The following ZNF408 variants were observed in gnomAD, a reference collection of about 807,000 sequenced individuals.
ZNF408 encodes the protein PR domain zinc finger protein 17.
Under a neutral mutation model 27.6 loss-of-function variants are expected in ZNF408, and 24 were observed. The ratio of observed to expected loss-of-function variants is 0.87; its 90% CI spans 0.63 to 1.22. The LOEUF (loss-of-function observed/expected upper bound fraction) is 1.22. Ranked by LOEUF, ZNF408 falls within the 50% of genes most tolerant of loss-of-function variation. The pLI, the probability that ZNF408 is intolerant of heterozygous loss-of-function variation, is 0.00. For missense variants in ZNF408, 897 were observed against 949.0 expected, an observed-to-expected ratio of 0.95 and a Z score of 0.72; for synonymous variants, 410 against 396.1, an observed-to-expected ratio of 1.04 and a Z score of -0.42.
At chr11:46,701,934 G>A (rs895482763) in intron 2 of ZNF408, 1 of 364,336 alleles carries the variant, frequency 2.7e-6, no homozygotes, top group South Asian at 9.7e-5. Context: ...AATTAAGAAA[G>A]CATGGGATCA....
rs1277850118 is a variant in ZNF408 at position 46,704,637 on chromosome 11, A to T, written c.937A>T (p.Ser313Cys). Residue 313 changes from serine to cysteine, a missense_variant, in exon 5 of 5, where the codon AGT becomes TGT. By Grantham distance (112) the Ser-to-Cys change is moderately radical (BLOSUM62 -1). Coordinates refer to ENST00000311764, the MANE Select transcript of ZNF408 (RefSeq NM_024741.3). ...CCTGGCCAAGAAGTTACACAGCCCC[A>T]GTGATCAGTGCCCACCCAGAGCAAA... is the stretch of plus-strand genomic sequence containing the variant. The part of the protein sequence containing the change: ...GYLAKKLHSP[S>C]DQCPPRAKTP... 1.9e-6 allele frequency: 3 copies of T among 1,613,904 alleles called. No individual in the cohort carries two copies. The highest frequency in any genetic ancestry group is 2.5e-6 in the Non-Finnish European group (3 of 1,179,994).
intron 2 of ZNF408, 141 bp downstream of exon 2, chr11:46,701,817 T>C: frequency 9.2e-7 from 1 of 1,083,674 alleles, no homozygotes. Flanking sequence ...CAGGACTGTC[T>C]CCTCTCAGCA....
Position 46,705,167 on chromosome 11 carries a change from C to G in ZNF408, c.1467C>G (p.Leu489=), listed in dbSNP as rs768463791. 1.2e-6 allele frequency: 2 copies of G among 1,611,440 alleles called. No homozygotes were observed. Residue 489 remains leucine, a synonymous_variant, in exon 5 of 5, where the codon CTC becomes CTG. Transcript: ENST00000311764. This position sits in a 1 kb window ranked among gnomAD's most constrained non-coding sequence, Gnocchi z 6.5. The part of the protein sequence containing the change: ...NQGSLRNHMR[L]HTGEKPFLCP... ...GCTCCCTGCGGAACCATATGAGGCT[C>G]CATACAGGAGAAAAGCCTTTCCTGT... is the stretch of plus-strand genomic sequence containing the variant.
rs978091102 is a variant in ZNF408 at position 46,701,093 on chromosome 11, C to T, written c.46C>T (p.Gln16Ter). The T allele has an allele frequency of 3.1e-6, 5 of 1,614,040 alleles. No individual in the cohort carries two copies. The highest frequency in any genetic ancestry group is 3.3e-5 in the Admixed American group (2 of 60,000). The change falls in exon 1 of 5, where the codon CAA becomes TAA. Residue 16 changes from glutamine (Q) to a stop codon, truncating the protein, a stop_gained. Transcript: ENST00000311764. LOFTEE classifies it high-confidence loss of function. ...ELLLEGKKAL[Q>*]LAREPRLGLD... ...GCTCTTGGAGGGGAAGAAGGCGCTGCAACTCGGTGAGTGACCTGCGATGTC... is the reference window on the plus strand; with the variant it reads ...GCTCTTGGAGGGGAAGAAGGCGCTGTAACTCGGTGAGTGACCTGCGATGTC...
intron 2 of ZNF408, 104 bp downstream of exon 2, chr11:46,701,780 A>G (rs939286051): frequency 1.5e-6 from 2 of 1,340,558 alleles, no homozygotes; most frequent in Non-Finnish European, 2.0e-6. Context: ...ATTTCAAGAG[A>G]TAGGAGATAG....
At position 46,701,641 on chromosome 11, in the gene ZNF408, G is replaced by A. The variant is rs1260155813; in HGVS notation, c.295G>A (p.Glu99Lys). 1 of 1,602,690 alleles carries A rather than the reference G, an allele frequency of 6.2e-7. No homozygotes were observed. Among genetic ancestry groups the A allele is most frequent in the Non-Finnish European group, 8.5e-7 (1 of 1,172,980 alleles). ...GCTGGAAGAGGAGTCTGCCTCCAAG[G>A]AGAAGGGCGAGGGAGTAAAGCCACG... ...GPLEEESASK[E>K]KGEGVKPRQE... Residue 99 changes from glutamate to lysine, a missense_variant, in exon 2 of 5, where the codon GAG (glutamate) becomes AAG (lysine). Physicochemically the swap from Glu to Lys is moderately conservative, Grantham distance 56 (BLOSUM62 1). Transcript: ENST00000311764.
chr11:46,705,230 C>A lies in ZNF408; in HGVS notation c.1530C>A (p.Asn510Lys). The A allele has an allele frequency of 1.2e-6, 2 of 1,612,066 alleles. No homozygotes were observed. Residue 510 changes from asparagine (N) to lysine (K), a missense_variant, in exon 5 of 5, where the codon AAC (asparagine) becomes AAA (lysine). Coordinates refer to ENST00000311764, the MANE Select transcript of ZNF408 (RefSeq NM_024741.3). This position sits in a 1 kb window ranked among gnomAD's most constrained non-coding sequence, Gnocchi z 6.5. ...GCCGGGCGTTTCGTCAGCGGGGCAA[C>A]CTGCGTGGGCATTTGCGGCTCCACA... ...HCGRAFRQRG[N>K]LRGHLRLHTG...
At position 46,704,795 on chromosome 11, in the gene ZNF408, G is replaced by T. The variant is rs760347844; in HGVS notation, c.1095G>T (p.Leu365=). The T allele has an allele frequency of 7.5e-6, 12 of 1,598,024 alleles. No individual in the cohort carries two copies. The highest frequency in any genetic ancestry group is 7.7e-6 in the Non-Finnish European group (9 of 1,171,826). ...CGECGKAFLQ[L]CHLKKHAFVH... ...AGTGTGGCAAGGCATTCCTACAGCT[G>T]TGCCACCTAAAGAAGCACGCATTTG... The change falls in exon 5 of 5, where the codon CTG becomes CTT. Residue 365 remains leucine, a synonymous_variant. Coordinates refer to ENST00000311764, the MANE Select transcript of ZNF408 (RefSeq NM_024741.3).
chr11:46,703,770 G>GTTTT (rs1480616553), intron 4 of ZNF408, among the ~76,000 whole-genome samples: 1 of 93,836 alleles, frequency 1.1e-5, no homozygotes, highest in African/African-American at 4.5e-5. Context: ...TGTTGTTGTT[G>GTTTT]TTTTTTTTTT....
chr11:46,702,865 A>G, intron 3 of ZNF408, 100 bp downstream of exon 3: 2 of 1,597,272 alleles, frequency 1.3e-6, no homozygotes, highest in Non-Finnish European at 1.7e-6. Flanking sequence ...GCTCTTTTGC[A>G]GTGAATGTTC....
chr11:46,701,861 T>A, intron 2 of ZNF408, 185 bp downstream of exon 2: 1 of 761,322 alleles, frequency 1.3e-6, no homozygotes, highest in Non-Finnish European at 1.9e-6. Flanking sequence ...TGAAAAGTTG[T>A]TGAAAGCTGG....
rs748927988 is a variant in ZNF408 at position 46,703,085 on chromosome 11, C to G, written c.494C>G (p.Ser165Cys). The G allele has an allele frequency of 6.2e-7, 1 of 1,613,246 alleles. No homozygotes were observed. Among genetic ancestry groups the G allele is most frequent in the African/African-American group, 1.3e-5 (1 of 74,920 alleles). Residue 165 changes from serine to cysteine, a missense_variant, in exon 4 of 5, where the codon TCT becomes TGT. Coordinates refer to ENST00000311764, the MANE Select transcript of ZNF408 (RefSeq NM_024741.3). ...GTGTACCAGCTGGTGCTGCCAGGCT[C>G]TGAACTGCTGCTGTGGCCCCAGCCT... ...LQVYQLVLPGSELLLWPQPSS... is the reference protein window; with the variant it reads ...LQVYQLVLPGCELLLWPQPSS...
Position 46,705,507 on chromosome 11 carries a change from G to T in ZNF408, c.1807G>T (p.Glu603Ter). The T allele has an allele frequency of 6.2e-7, 1 of 1,605,400 alleles. No homozygotes were observed. ...KLRRHLKSHL[E>*]DKPYRCPTCG... Reference sequence around the variant, plus strand: ...GCGGCGCCACCTCAAATCTCACTTGGAGGACAAGCCCTACCGCTGCCCCAC... The same window carrying T: ...GCGGCGCCACCTCAAATCTCACTTGTAGGACAAGCCCTACCGCTGCCCCAC... Residue 603 changes from glutamate to a stop codon, truncating the protein, a stop_gained, in exon 5 of 5, where the codon GAG becomes TAG. Transcript: ENST00000311764. LOFTEE classifies it low-confidence loss of function (END_TRUNC). The surrounding 1 kb of genome is among the most constrained non-coding windows in gnomAD (Gnocchi z 6.5).
chr11:46,705,341 CG>C lies in ZNF408; in HGVS notation c.1645del (p.Glu549ArgfsTer152). 6.2e-7 allele frequency: 1 copy of C among 1,611,108 alleles called. No homozygotes were observed. Among genetic ancestry groups the C allele is most frequent in the East Asian group, 2.2e-5 (1 of 44,850 alleles). On this transcript the variant is annotated frameshift_variant, in exon 5 of 5. Transcript: ENST00000311764. LOFTEE classifies it low-confidence loss of function (END_TRUNC). This position sits in a 1 kb window ranked among gnomAD's most constrained non-coding sequence, Gnocchi z 6.5. ...ELRRHLISHTGEAHLCPVCGK... is the reference protein window; with the variant it reads ...ELRRHLISHTXEAHLCPVCGK... ...TGCGGCGCCATCTCATCTCACACAC[CG>C]GGGAGGCCCACTTGTGCCCGGTGTG...
rs771076008 is a variant in ZNF408 at position 46,701,699 on chromosome 11, C to G, written c.330+23C>G. On this transcript the variant is annotated intron_variant, in intron 2 of 4. Transcript: ENST00000311764. The stretch of plus-strand genomic sequence containing the variant: ...GAGGTATTGAAGGATAGAGCGACTT[C>G]CCTCCGCCCTTGAAAATGTAGGGGA... The G allele has an allele frequency of 2.6e-6, 4 of 1,509,526 alleles. No individual in the cohort carries two copies. The Admixed American group carries it at 9.3e-5, about 35-fold the overall frequency. The allele number at this position is 1,509,526 out of a possible 1,614,324, so 93.5% of individuals were successfully genotyped here.
In ZNF408 at chr11:46,704,578, C is replaced by T; in HGVS notation, c.878C>T (p.Ser293Leu). 6.2e-7 allele frequency: 1 copy of T among 1,613,660 alleles called. No homozygotes were observed. The highest frequency in any genetic ancestry group is 1.7e-4 in the Middle Eastern group (1 of 6,060). ...QDPDGSGASF[S>L]SSARGTQPHG... ...CCAGATGGCAGTGGAGCCAGTTTCT[C>T]ATCTTCTGCCAGGGGCACCCAGCCG... is the stretch of plus-strand genomic sequence containing the variant. Residue 293 changes from serine (S) to leucine (L), a missense_variant, in exon 5 of 5, where the codon TCA (serine) becomes TTA (leucine). By Grantham distance (145) the Ser-to-Leu change is moderately radical. Transcript: ENST00000311764.
rs2064749298 is a variant in ZNF408 at position 46,705,863 on chromosome 11, A to G, written c.2163A>G (p.Ter721TrpextTer?). The change falls in exon 5 of 5, where the codon TGA becomes TGG. Residue 721 changes from the stop codon to tryptophan, a stop_lost. Transcript: ENST00000311764. The surrounding 1 kb of genome is among the most constrained non-coding windows in gnomAD (Gnocchi z 6.5). ...TGGTGGAGGTGGAGATGGGCACCTG[A>G]CAGCTTTGCCTTTTGCTGACACAGC... is the stretch of plus-strand genomic sequence containing the variant. ...AEVVEVEMGT[*>W] 1 of 1,609,698 alleles carries G rather than the reference A, an allele frequency of 6.2e-7. No individual in the cohort carries two copies. Among genetic ancestry groups the G allele is most frequent in the Non-Finnish European group, 8.5e-7 (1 of 1,178,104 alleles).
At chr11:46,702,287 G>A (rs1300991085) in intron 2 of ZNF408, among the ~76,000 whole-genome samples, 1 of 152,100 alleles carries the variant, frequency 6.6e-6, no homozygotes, top group Non-Finnish European at 1.5e-5. Context: ...TAGAGACAGG[G>A]TTTCACCATG....
At chr11:46,701,925 A>G in intron 2 of ZNF408, 3 of 379,874 alleles carry the variant, frequency 7.9e-6, no homozygotes, top group Non-Finnish European at 1.4e-5. Context: ...GGTTTTTGGA[A>G]TTAAGAAAGC....
Sources: allele counts gnomAD v4.1 joint callset (sites outside exome capture counted in the v4.1 genomes callset), GRCh38; gene constraint gnomAD v4.1.1; non-coding constraint Gnocchi (gnomAD v3.1); transcripts MANE v1.5; gene names NCBI Gene and HGNC (gene_info 2026-07-23, HGNC 2026-07-21).